ENTPD4: variants seen among roughly 807,000 people sequenced by gnomAD.
The protein encoded by ENTPD4 is ectonucleoside triphosphate diphosphohydrolase 4, also known as Golgi UDPase.
Under a neutral mutation model 79.1 loss-of-function variants are expected in ENTPD4, and 60 were observed. The observed-to-expected ratio is 0.76, with a 90% CI of 0.62 to 0.94. ENTPD4 has a LOEUF of 0.94. Ranked by LOEUF, ENTPD4 falls within the 40% of genes least tolerant of loss-of-function variation. The pLI, the probability that ENTPD4 is intolerant of heterozygous loss-of-function variation, is 0.00. For synonymous variants in ENTPD4, 276 were observed against 292.0 expected, an observed-to-expected ratio of 0.95 and a Z score of 0.56; for missense variants, 772 against 775.1, an observed-to-expected ratio of 1.00 and a Z score of 0.05.
At chr8:23,455,531 A>G (rs1563230181) in intron 1 of ENTPD4, among the ~76,000 whole-genome samples, 3 of 152,240 alleles carry the variant, frequency 2.0e-5, no homozygotes, top group South Asian at 2.1e-4. Context: ...GAAGATATGT[A>G]TGTAGTTGCA....
At chr8:23,447,421 G>A (rs992120071) in intron 4 of ENTPD4, among the ~76,000 whole-genome samples, 7 of 152,186 alleles carry the variant, frequency 4.6e-5, no homozygotes, top group South Asian at 2.1e-4. Flanking sequence ...CAACATCTGC[G>A]TAGATACCAT....
chr8:23,452,440 T>C (rs958488336), intron 1 of ENTPD4, among the ~76,000 whole-genome samples: 1 of 152,254 alleles, frequency 6.6e-6, no homozygotes, highest in Non-Finnish European at 1.5e-5. Context: ...AGGTCCCTCA[T>C]GATTTAGTCC....
intron 8 of ENTPD4, among the ~76,000 whole-genome samples, chr8:23,441,145 T>C (rs930556097): frequency 2.0e-5 from 3 of 152,064 alleles, no homozygotes; most frequent in Non-Finnish European, 1.5e-5. Flanking sequence ...TTGAAAGATG[T>C]GGAAGCAGTG....
rs779436500 is a variant in ENTPD4 at position 23,431,994 on chromosome 8, G to A, written c.*932C>T. 1.3e-5 allele frequency: 13 copies of A among 985,160 alleles called. No individual in the cohort carries two copies. Among genetic ancestry groups the A allele is most frequent in the African/African-American group, 5.2e-5 (3 of 57,184 alleles). The allele number at this position is 985,160 out of a possible 1,614,324, so 61.0% of individuals were successfully genotyped here. A position where few individuals can be genotyped will look rare whatever the true frequency, so the allele number is the denominator to read the frequency against. On this transcript the variant is annotated 3_prime_UTR_variant, in exon 13 of 13. Transcript: ENST00000358689. ...AAGAACCAGCATTGCCTCCCCTCACGCTGGTTTCTTGGGATTTTTCACACA... is the reference window on the plus strand; with the variant it reads ...AAGAACCAGCATTGCCTCCCCTCACACTGGTTTCTTGGGATTTTTCACACA...
chr8:23,429,204 G>C lies in ENTPD4; in HGVS notation c.*3722C>G. The C allele has an allele frequency of 1.0e-6, 1 of 985,196 alleles. No individual in the cohort carries two copies. Among genetic ancestry groups the C allele is most frequent in the Non-Finnish European group, 1.2e-6 (1 of 829,700 alleles). 61.0% of individuals were successfully genotyped at this position (985,196 alleles called of 1,614,324 possible). On this transcript the variant is annotated 3_prime_UTR_variant, in exon 13 of 13. Transcript: ENST00000358689. The stretch of plus-strand genomic sequence containing the variant: ...GTTTTATTGATTTTTCAGTACCCAA[G>C]TGTGGCACTGTAAGGCTGCCACATA...
chr8:23,431,494 T>C lies in ENTPD4; in HGVS notation c.*1432A>G, dbSNP rs775159163. The C allele has an allele frequency of 5.0e-5, 49 of 985,474 alleles. No individual in the cohort carries two copies. Among genetic ancestry groups the C allele is most frequent in the Non-Finnish European group, 5.9e-5 (49 of 829,938 alleles). The allele number at this position is 985,474 out of a possible 1,614,324, so 61.0% of individuals were successfully genotyped here. A position where few individuals can be genotyped will look rare whatever the true frequency, so the allele number is the denominator to read the frequency against. On this transcript the variant is annotated 3_prime_UTR_variant, in exon 13 of 13. Transcript: ENST00000358689. ...CATATGCCAATCCAATTGTCCTTTT[T>C]AGATTTTGGCTTAAATTGTCGAATT...
chr8:23,455,013 C>T (rs902234091), intron 1 of ENTPD4, among the ~76,000 whole-genome samples: 4 of 152,168 alleles, frequency 2.6e-5, no homozygotes, highest in Non-Finnish European at 5.9e-5. Context: ...TTGTGTTAGA[C>T]CTATCACCAG....
intron 11 of ENTPD4, chr8:23,434,715 G>C: frequency 1.5e-6 from 2 of 1,341,144 alleles, no homozygotes; most frequent in Non-Finnish European, 1.9e-6. Flanking sequence ...ACCCGGTCTC[G>C]GCATAATGTC....
rs931216100 is a variant in ENTPD4 at position 23,431,290 on chromosome 8, T to A, written c.*1636A>T. ...TTTTATAATATCCTCAGTTATCTGT[T>A]ATAGCAACAACCCCACTTCTGGGTA... On this transcript the variant is annotated 3_prime_UTR_variant, in exon 13 of 13. Transcript: ENST00000358689. 27 of 952,320 alleles carry A rather than the reference T, an allele frequency of 2.8e-5. No individual in the cohort carries two copies. Among genetic ancestry groups the A allele is most frequent in the Non-Finnish European group, 2.7e-5 (22 of 800,022 alleles). 59.0% of individuals were successfully genotyped at this position (952,320 alleles called of 1,614,324 possible).
rs887362172 is a variant in ENTPD4 at position 23,447,550 on chromosome 8, A to T, written c.412+130T>A. On this transcript the variant is annotated intron_variant, in intron 4 of 12. Transcript: ENST00000358689. ...AGAAAAGGGAAAAGAAAGTGAAACA[A>T]GGAGACCCATCAGGTCCTGGTGTGA... 5.4e-6 allele frequency: 4 copies of T among 737,540 alleles called. No individual in the cohort carries two copies. The African/African-American group carries it at 7.0e-5, about 13-fold the overall frequency. The allele number at this position is 737,540 out of a possible 1,614,324, so 45.7% of individuals were successfully genotyped here. A position where few individuals can be genotyped will look rare whatever the true frequency, so the allele number is the denominator to read the frequency against.
At chr8:23,439,139 C>A (rs1276213749) in intron 9 of ENTPD4, among the ~76,000 whole-genome samples, 1 of 152,152 alleles carries the variant, frequency 6.6e-6, no homozygotes, top group African/African-American at 2.4e-5. Flanking sequence ...CAATTTAAAC[C>A]AATAGAGTGC....
Position 23,429,261 on chromosome 8 carries a change from C to T in ENTPD4, c.*3665G>A, listed in dbSNP as rs896229014. 3.7e-5 allele frequency: 36 copies of T among 985,248 alleles called. No individual in the cohort carries two copies. Among genetic ancestry groups the T allele is most frequent in the Middle Eastern group, 1.0e-3 (2 of 1,936 alleles). 61.0% of individuals were successfully genotyped at this position (985,248 alleles called of 1,614,324 possible). On this transcript the variant is annotated 3_prime_UTR_variant, in exon 13 of 13. Coordinates refer to ENST00000358689, the MANE Select transcript of ENTPD4 (RefSeq NM_004901.5). ...GTGACATGACACCAAAAGGACCTTC[C>T]GAGAGTATTATTCTTACTTTGGATG...
At chr8:23,440,045 C>T (rs1224367736) in intron 8 of ENTPD4, 130 bp from the exon 9 acceptor site, 2 of 661,268 alleles carry the variant, frequency 3.0e-6, no homozygotes, top group African/African-American at 3.6e-5. Flanking sequence ...AAGGACCCTT[C>T]TAAGCATCAC....
Position 23,431,870 on chromosome 8 carries a change from G to A in ENTPD4, c.*1056C>T, listed in dbSNP as rs1231885543. 3.1e-5 allele frequency: 31 copies of A among 985,376 alleles called. No homozygotes were observed. Among genetic ancestry groups the A allele is most frequent in the Non-Finnish European group, 3.7e-5 (31 of 829,906 alleles). The allele number at this position is 985,376 out of a possible 1,614,324, so 61.0% of individuals were successfully genotyped here. A position where few individuals can be genotyped will look rare whatever the true frequency, so the allele number is the denominator to read the frequency against. ...CAGTGTTCTAATGCCACTGAAATAT[G>A]GAATAAGGAGCGTAATTACCTGCGG... On this transcript the variant is annotated 3_prime_UTR_variant, in exon 13 of 13. Transcript: ENST00000358689.
chr8:23,437,317 T>C (rs978943025), intron 9 of ENTPD4, 59 bp from the exon 10 acceptor site: 10 of 1,347,326 alleles, frequency 7.4e-6, no homozygotes, highest in Non-Finnish European at 9.2e-6. Context: ...TTTCAGGAAG[T>C]GGCTGCAAAC....
At chr8:23,441,324 G>A (rs1191755437) in intron 8 of ENTPD4, 4 of 630,736 alleles carry the variant, frequency 6.3e-6, no homozygotes, top group Non-Finnish European at 7.9e-6. Flanking sequence ...TCAAGCATGC[G>A]ACTGCGTATA....
Position 23,430,014 on chromosome 8 carries a change from G to A in ENTPD4, c.*2912C>T. 2.0e-6 allele frequency: 2 copies of A among 985,436 alleles called. No homozygotes were observed. Among genetic ancestry groups the A allele is most frequent in the Non-Finnish European group, 2.4e-6 (2 of 829,930 alleles). 61.0% of individuals were successfully genotyped at this position (985,436 alleles called of 1,614,324 possible). Reference sequence around the variant, plus strand: ...AAGATTGAACACAATGCTTTTCTTTGATAAAGCTTTGGGCAAGTTCCTAGT... The same window carrying A: ...AAGATTGAACACAATGCTTTTCTTTAATAAAGCTTTGGGCAAGTTCCTAGT... On this transcript the variant is annotated 3_prime_UTR_variant, in exon 13 of 13. Transcript: ENST00000358689.
At chr8:23,439,452 C>A (rs1322861338) in intron 9 of ENTPD4, among the ~76,000 whole-genome samples, 1 of 152,162 alleles carries the variant, frequency 6.6e-6, no homozygotes, top group Non-Finnish European at 1.5e-5. Context: ...ATGAATAGCA[C>A]CACCCAGGGC....
Position 23,431,143 on chromosome 8 carries a change from T to C in ENTPD4, c.*1783A>G. 1 of 364,082 alleles carries C rather than the reference T, an allele frequency of 2.7e-6. No homozygotes were observed. The highest frequency in any genetic ancestry group is 3.8e-6 in the Non-Finnish European group (1 of 262,292). 22.6% of individuals were successfully genotyped at this position (364,082 alleles called of 1,614,324 possible). ...CACAACTGGGACAGAATTCCCTTGG[T>C]CTTCTCTTCTGATCCCTCAGCAGAA... is the stretch of plus-strand genomic sequence containing the variant. On this transcript the variant is annotated 3_prime_UTR_variant, in exon 13 of 13. Coordinates refer to ENST00000358689, the MANE Select transcript of ENTPD4 (RefSeq NM_004901.5).
Sources: gnomAD v4.1 joint callset for allele counts (sites outside exome capture counted in the v4.1 genomes callset) on GRCh38, gnomAD v4.1.1 for gene constraint, MANE v1.5 for transcripts, NCBI Gene and HGNC (gene_info 2026-07-23, HGNC 2026-07-21) for gene names.